METTL25: variants seen among roughly 807,000 people sequenced by gnomAD.
METTL25 encodes probable methyltransferase-like protein 25.
METTL25 carries 64 observed loss-of-function variants against 71.6 expected under a neutral mutation model. The observed-to-expected ratio is 0.89, with a 90% CI of 0.73 to 1.10. METTL25 has a LOEUF of 1.10. METTL25 is among the 50% of genes least tolerant of loss of function. The pLI is 0.00. For missense variants in METTL25, 807 were observed against 707.0 expected, an observed-to-expected ratio of 1.14 and a Z score of -1.60; for synonymous variants, 287 against 250.3, an observed-to-expected ratio of 1.15 and a Z score of -1.38.
rs562206295 is a variant in METTL25, at chr12:82,402,927, T to G, written c.1132-56T>G. 13 of 1,357,394 alleles carry G rather than the reference T, an allele frequency of 9.6e-6. No homozygotes were observed. In the South Asian group the frequency reaches 1.5e-4, roughly 16 times the overall value. 84.1% of individuals were successfully genotyped at this position (1,357,394 alleles called of 1,614,324 possible). On this transcript the variant is annotated intron_variant, in intron 4 of 11. Coordinates refer to ENST00000248306, the MANE Select transcript of METTL25 (RefSeq NM_032230.3). ...CCTGTATGTAAAAATAAATAAAAAT[T>G]TTAAACAACCCTCTTTTTAATTACC...
At chr12:82,476,798 A>T in intron 10 of METTL25, 80 bp downstream of exon 10, 1 of 860,780 alleles carries the variant, frequency 1.2e-6, no homozygotes, top group Admixed American at 2.6e-5. Context: ...ATTATGGGCT[A>T]AGCAATCTAT....
At chr12:82,389,175 C>T (rs552475425) in intron 2 of METTL25, among the ~76,000 whole-genome samples, 1 of 152,016 alleles carries the variant, frequency 6.6e-6, no homozygotes, top group Non-Finnish European at 1.5e-5. Context: ...TCGTATAGTA[C>T]TGTAGTTCTG....
At chr12:82,468,250 G>A (rs1416274840) in intron 9 of METTL25, among the ~76,000 whole-genome samples, 2 of 152,008 alleles carry the variant, frequency 1.3e-5, no homozygotes, top group African/African-American at 2.4e-5. Flanking sequence ...CAAAAAGATT[G>A]GCCAACTGGA....
intron 9 of METTL25, among the ~76,000 whole-genome samples, chr12:82,465,554 A>C (rs1892175050): frequency 6.6e-6 from 1 of 151,824 alleles, no homozygotes; most frequent in Non-Finnish European, 1.5e-5. Flanking sequence ...ATTGGCCTGT[A>C]GTTTTATGTT....
intron 8 of METTL25, among the ~76,000 whole-genome samples, chr12:82,452,847 A>C (rs975036107): frequency 6.6e-6 from 1 of 152,044 alleles, no homozygotes; most frequent in Non-Finnish European, 1.5e-5. Context: ...TGAATATTTT[A>C]TTTTATCCTC....
chr12:82,388,717 A>C (rs999585010), intron 2 of METTL25: 1 of 152,164 alleles, frequency 6.6e-6, no homozygotes, highest in Non-Finnish European at 1.5e-5. Context: ...TGACTTAGCC[A>C]TGTAGAGAGA....
intron 5 of METTL25, among the ~76,000 whole-genome samples, chr12:82,414,184 C>A (rs923313306): frequency 6.6e-6 from 1 of 152,018 alleles, no homozygotes; most frequent in Admixed American, 6.6e-5. Flanking sequence ...TGTTTATAAG[C>A]TTTTGTTACA....
chr12:82,387,702 TAC>T lies in METTL25; in HGVS notation c.424+744_424+745del, dbSNP rs1312860569. Among the ~76,000 whole-genome samples, 10 of 74,518 alleles carry T rather than the reference TAC, an allele frequency of 1.3e-4. No individual in the cohort carries two copies. In the East Asian group the frequency reaches 1.8e-3, roughly 13 times the overall value. 48.9% of individuals were successfully genotyped at this position (74,518 alleles called of 152,430 possible). A position where few individuals can be genotyped will look rare whatever the true frequency, so the allele number is the denominator to read the frequency against. The stretch of plus-strand genomic sequence containing the variant: ...TGCCACATTTGTTGTAGTTCTCTTC[TAC>T]ACACACACGCGCACACACACACACA... On this transcript the variant is annotated intron_variant, in intron 2 of 11. Coordinates refer to ENST00000248306, the MANE Select transcript of METTL25 (RefSeq NM_032230.3).
intron 1 of METTL25, among the ~76,000 whole-genome samples, chr12:82,386,473 C>CCTTT (rs1438657230): frequency 1.3e-4 from 5 of 38,586 alleles, no homozygotes; most frequent in African/African-American, 4.7e-4. Flanking sequence ...CTCCCTTCCT[C>CCTTT]CCTCCCTCCT....
chr12:82,447,077 C>CTAAAG (rs1460745529), intron 8 of METTL25, among the ~76,000 whole-genome samples: 78 of 151,408 alleles, frequency 5.2e-4, no homozygotes, highest in Non-Finnish European at 8.0e-4. Context: ...AAAGCAAAAA[C>CTAAAG]CAAATCCAAA....
At chr12:82,442,700 A>G (rs1437670756) in intron 8 of METTL25, among the ~76,000 whole-genome samples, 1 of 152,178 alleles carries the variant, frequency 6.6e-6, no homozygotes, top group African/African-American at 2.4e-5. Context: ...GTCATGAGAC[A>G]TTGTGGAAAT....
rs140081014 is a variant in METTL25, at chr12:82,421,814, C to A, written c.1280-9079C>A. ...AAATCTAGAAGAAATGGATAAATTC[C>A]TTGACACATACACCCTCCCAAGACT... On this transcript the variant is annotated intron_variant, in intron 5 of 11. Coordinates refer to ENST00000248306, the MANE Select transcript of METTL25 (RefSeq NM_032230.3). Among the ~76,000 whole-genome samples, 385 of 152,224 alleles carry A rather than the reference C, an allele frequency of 2.5e-3. 2 individuals are homozygous for A. Among genetic ancestry groups the A allele is most frequent in the African/African-American group, 8.7e-3 (363 of 41,540 alleles).
intron 5 of METTL25, among the ~76,000 whole-genome samples, chr12:82,428,784 A>G (rs1889246858): frequency 6.6e-6 from 1 of 151,688 alleles, no homozygotes; most frequent in African/African-American, 2.4e-5. Flanking sequence ...CAGTTTCCCT[A>G]TCTGGAACAT....
In METTL25 at chr12:82,434,709, T is replaced by G. The variant is rs1178467430; in HGVS notation, c.1389T>G (p.Val463=). 6.2e-7 allele frequency: 1 copy of G among 1,609,638 alleles called. No individual in the cohort carries two copies. The highest frequency in any genetic ancestry group is 8.5e-7 in the Non-Finnish European group (1 of 1,177,004). The change falls in exon 7 of 12, where the codon GTT becomes GTG. Residue 463 remains valine (V), a synonymous_variant. Transcript: ENST00000248306. ...RMSACLALER[V]AAGQGLPTES... Reference sequence around the variant, plus strand: ...TTCCCTTTAAGGCATTGGAGCGGGTTGCAGCTGGCCAAGGGGTAAGTAAGA... The same window carrying G: ...TTCCCTTTAAGGCATTGGAGCGGGTGGCAGCTGGCCAAGGGGTAAGTAAGA...
intron 9 of METTL25, among the ~76,000 whole-genome samples, chr12:82,466,735 T>G (rs1892259882): frequency 6.6e-6 from 1 of 152,158 alleles, no homozygotes; most frequent in African/African-American, 2.4e-5. Flanking sequence ...TCTGTCTCTT[T>G]AGATCTAATA....
intron 9 of METTL25, among the ~76,000 whole-genome samples, chr12:82,473,720 GC>G (rs1360173955): frequency 2.6e-5 from 4 of 152,118 alleles, no homozygotes; most frequent in Admixed American, 2.6e-4. Context: ...ATGGCCTCTC[GC>G]CCTCAGGAGA....
chr12:82,391,808 T>G (rs1304858624), intron 3 of METTL25, among the ~76,000 whole-genome samples: 1 of 151,154 alleles, frequency 6.6e-6, no homozygotes, highest in African/African-American at 2.4e-5. Flanking sequence ...TTGAAGAACC[T>G]CTATACTGTT....
At chr12:82,449,856 A>C (rs1003369649) in intron 8 of METTL25, among the ~76,000 whole-genome samples, 1 of 151,958 alleles carries the variant, frequency 6.6e-6, no homozygotes, top group Non-Finnish European at 1.5e-5. Flanking sequence ...TCTTTCCTTT[A>C]TAGCAAAATT....
intron 9 of METTL25, among the ~76,000 whole-genome samples, chr12:82,458,820 C>G (rs749528570): frequency 4.6e-5 from 7 of 152,058 alleles, no homozygotes; most frequent in Non-Finnish European, 7.4e-5. Flanking sequence ...CTAGGTCCAG[C>G]CAAATCTAAC....
Sources: allele counts gnomAD v4.1 joint callset (sites outside exome capture counted in the v4.1 genomes callset), GRCh38; gene constraint gnomAD v4.1.1; transcripts MANE v1.5; gene names NCBI Gene and HGNC (gene_info 2026-07-23, HGNC 2026-07-21).